The following NBAS variants were observed in gnomAD, a reference collection of about 807,000 sequenced individuals.
NBAS encodes NAG/BC035112 fusion.
A neutral mutation model predicts 302.5 loss-of-function variants in NBAS; 219 were observed. The observed-to-expected ratio is 0.72, with a 90% CI of 0.65 to 0.81. NBAS has a LOEUF of 0.81. Among genes scored for constraint, NBAS ranks in the 30% least tolerant of loss-of-function variants. The pLI is 0.00. For synonymous variants in NBAS, 1,118 were observed against 1,021.6 expected (o/e 1.09, Z -1.80); for missense variants, 2,932 against 2,841.6 (o/e 1.03, Z -0.72).
At chr2:15,190,155 C>T in intron 49 of NBAS, 109 bp downstream of exon 49, 2 of 1,254,130 alleles carry the variant, frequency 1.6e-6, no homozygotes, top group Non-Finnish European at 2.3e-6. Flanking sequence ...ACTGACTACG[C>T]ACACACATAT....
the NBAS span, among the ~76,000 whole-genome samples, chr2:14,887,366 G>A: frequency 7.7e-5 from 11 of 143,578 alleles, no homozygotes; most frequent in African/African-American, 2.5e-4. Context: ...TCGCGCCACC[G>A]CACTCCAGCC....
chr2:15,444,871 A>C (rs1678639913), intron 21 of NBAS, among the ~76,000 whole-genome samples: 1 of 152,190 alleles, frequency 6.6e-6, no homozygotes, highest in African/African-American at 2.4e-5. Flanking sequence ...TCTCAAAAGA[A>C]GACATTTATG....
chr2:14,965,975 T>G, the NBAS span, among the ~76,000 whole-genome samples: 3 of 152,136 alleles, frequency 2.0e-5, no homozygotes, highest in Non-Finnish European at 4.4e-5. Flanking sequence ...GTAGGCCTGG[T>G]GTCCTTATAA....
At position 15,366,635 on chromosome 2, in the gene NBAS, T is replaced by C. The variant is rs2148339792; in HGVS notation, c.3762A>G (p.Thr1254=). Residue 1254 remains threonine (T), a synonymous_variant, in exon 32 of 52, where the codon ACA becomes ACG. Transcript: ENST00000281513. The part of the protein sequence containing the change: ...LIKECISQSP[T]CYKQSTKLLG... ...GAAGCTTGGTGGATTGTTTATAGCA[T>C]GTGGGGGACTGGGAAATACACTCCT... 1.2e-6 allele frequency: 2 copies of C among 1,614,062 alleles called. No homozygotes were observed. Among genetic ancestry groups the C allele is most frequent in the East Asian group, 2.2e-5 (1 of 44,860 alleles).
chr2:15,191,666 G>A (rs1468516062), intron 48 of NBAS, among the ~76,000 whole-genome samples: 1 of 152,136 alleles, frequency 6.6e-6, no homozygotes, highest in African/African-American at 2.4e-5. Flanking sequence ...AAGTGACAGA[G>A]CCAAAATATC....
chr2:15,518,032 C>T (rs2148657940), intron 9 of NBAS, among the ~76,000 whole-genome samples: 1 of 151,860 alleles, frequency 6.6e-6, no homozygotes, highest in South Asian at 2.1e-4. Context: ...TGTACTTCTC[C>T]TTCTCTCTCC....
chr2:15,317,756 C>T (rs1174755242), intron 38 of NBAS, among the ~76,000 whole-genome samples: 5 of 152,068 alleles, frequency 3.3e-5, no homozygotes, highest in Non-Finnish European at 7.4e-5. Flanking sequence ...TGTGAAAAGA[C>T]CAAATCTACG....
chr2:15,402,038 TTTA>T, intron 26 of NBAS, 127 bp downstream of exon 26: 2 of 986,176 alleles, frequency 2.0e-6, no homozygotes, highest in Non-Finnish European at 3.2e-6. Context: ...TGCAGATAAT[TTTA>T]TTTTCTTCCT....
chr2:15,202,815 G>A (rs921289993), intron 48 of NBAS, among the ~76,000 whole-genome samples: 22 of 152,276 alleles, frequency 1.4e-4, no homozygotes, highest in African/African-American at 4.1e-4. Context: ...TGGGATTACA[G>A]GCCTGAGCCA....
the NBAS span, among the ~76,000 whole-genome samples, chr2:15,076,984 G>A: frequency 6.6e-6 from 1 of 152,158 alleles, no homozygotes; most frequent in Non-Finnish European, 1.5e-5. Flanking sequence ...CCATCAAGAT[G>A]TTTCTCTCTT....
At chr2:14,989,338 T>A in the NBAS span, among the ~76,000 whole-genome samples, 1 of 149,520 alleles carries the variant, frequency 6.7e-6, no homozygotes. Context: ...TATATATATA[T>A]CTTGAGGTCA....
At chr2:14,983,323 T>A in the NBAS span, among the ~76,000 whole-genome samples, 2 of 152,198 alleles carry the variant, frequency 1.3e-5, no homozygotes, top group African/African-American at 4.8e-5. Flanking sequence ...GAAAGTTAAC[T>A]TAAAAAATTA....
In NBAS at chr2:15,473,287, C is replaced by CGT. The variant is rs1680036926; in HGVS notation, c.1659_1660insAC (p.Asp554ThrfsTer23). 1 of 1,614,088 alleles carries CGT rather than the reference C, an allele frequency of 6.2e-7. No individual in the cohort carries two copies. The highest frequency in any genetic ancestry group is 8.5e-7 in the Non-Finnish European group (1 of 1,179,968). On this transcript the variant is annotated frameshift_variant, in exon 16 of 52. Coordinates refer to ENST00000281513, the MANE Select transcript of NBAS (RefSeq NM_015909.4). LOFTEE classifies it high-confidence loss of function. ...CTCCACTGCCTCTGATATACAAGGT[C>CGT]AGTATCCAGGCCGTAGGTATGAGCC...
At chr2:15,247,676 C>CTA (rs1668156416) in intron 44 of NBAS, among the ~76,000 whole-genome samples, 1 of 128,356 alleles carries the variant, frequency 7.8e-6, no homozygotes. Context: ...CTCTCTCTCT[C>CTA]TCTCTATATA....
rs115473461 is a variant in NBAS, at chr2:15,448,964, A to G, written c.2339+12237T>C. On this transcript the variant is annotated intron_variant, in intron 21 of 51. Transcript: ENST00000281513. ...AACCATTCAGAAGATGTTACGATCT[A>G]TGTAAGAAGCACACATTCTGAAATT... 3.1e-3 allele frequency among the ~76,000 whole-genome samples: 477 copies of G among 152,346 alleles called. 2 individuals are homozygous for G. The highest frequency in any genetic ancestry group is 0.011 in the African/African-American group (451 of 41,584).
At chr2:14,850,330 GA>G in the NBAS span, among the ~76,000 whole-genome samples, 1 of 111,464 alleles carries the variant, frequency 9.0e-6, no homozygotes, top group Admixed American at 7.8e-5. Context: ...AAGAGACAAA[GA>G]AGGCCATTAC....
the NBAS span, among the ~76,000 whole-genome samples, chr2:14,825,533 C>G: frequency 6.6e-6 from 1 of 152,098 alleles, no homozygotes; most frequent in Non-Finnish European, 1.5e-5. Flanking sequence ...TGGCATATGG[C>G]CTTAGAAATG....
chr2:15,557,403 A>T (rs1159527265), intron 2 of NBAS, among the ~76,000 whole-genome samples: 4 of 152,022 alleles, frequency 2.6e-5, no homozygotes, highest in African/African-American at 9.7e-5. Context: ...ATGAGGACAA[A>T]TTTTTTTCTA....
At chr2:15,185,836 G>A (rs1161674059) in intron 50 of NBAS, among the ~76,000 whole-genome samples, 1 of 152,000 alleles carries the variant, frequency 6.6e-6, no homozygotes, top group Non-Finnish European at 1.5e-5. Flanking sequence ...GCATTCATGA[G>A]AATATTTTCC....
Sources: gnomAD v4.1 joint callset for allele counts (sites outside exome capture counted in the v4.1 genomes callset) on GRCh38, gnomAD v4.1.1 for gene constraint, MANE v1.5 for transcripts, NCBI Gene and HGNC (gene_info 2026-07-23, HGNC 2026-07-21) for gene names.